MPP7: variants seen among roughly 807,000 people sequenced by gnomAD.
MPP7 encodes the protein MAGUK p55 scaffold protein 7.
A neutral mutation model predicts 76.5 loss-of-function variants in MPP7; 60 were observed. The ratio of observed to expected loss-of-function variants is 0.78; its 90% CI spans 0.64 to 0.97. The LOEUF (loss-of-function observed/expected upper bound fraction) is 0.97, where lower values mean the gene tolerates loss of function less well. Among genes scored for constraint, MPP7 ranks in the 50% least tolerant of loss-of-function variants. The pLI is 0.00. For synonymous variants in MPP7, 237 were observed against 244.5 expected, an observed-to-expected ratio of 0.97 and a Z score of 0.29; for missense variants, 641 against 694.0, an observed-to-expected ratio of 0.92 and a Z score of 0.86.
At chr10:28,307,472 G>A, upstream of MPP7, 1 of 152,134 alleles carries the variant, frequency 6.6e-6, no homozygotes, top group East Asian at 1.9e-4. Flanking sequence ...GCTCAGATGA[G>A]ACCAGCTTGC....
At chr10:28,098,012 T>C (rs1370588962) in intron 11 of MPP7, among the ~76,000 whole-genome samples, 2 of 152,202 alleles carry the variant, frequency 1.3e-5, no homozygotes, top group Admixed American at 6.5e-5. Context: ...TTTCTCGACA[T>C]TGCATTTGTA....
At chr10:28,071,619 T>C (rs374075407) in intron 12 of MPP7, among the ~76,000 whole-genome samples, 7 of 152,158 alleles carry the variant, frequency 4.6e-5, no homozygotes, top group African/African-American at 1.4e-4. Flanking sequence ...AATTAATACA[T>C]TGACCTAACT....
chr10:28,127,782 G>A (rs1310153907), intron 6 of MPP7, among the ~76,000 whole-genome samples: 1 of 152,170 alleles, frequency 6.6e-6, no homozygotes, highest in Non-Finnish European at 1.5e-5. Context: ...GGGGTGTGAG[G>A]GGATGTAGGG....
chr10:28,069,523 G>C (rs1852125758), intron 13 of MPP7, among the ~76,000 whole-genome samples: 1 of 151,310 alleles, frequency 6.6e-6, no homozygotes, highest in African/African-American at 2.4e-5. Flanking sequence ...AGAATTGCTT[G>C]AACCCAAGAG....
At chr10:28,256,545 T>G (rs1290528673) in intron 1 of MPP7, among the ~76,000 whole-genome samples, 1 of 152,052 alleles carries the variant, frequency 6.6e-6, no homozygotes, top group African/African-American at 2.4e-5. Flanking sequence ...TGTTCATCAA[T>G]CAGGCAATGG....
At chr10:28,128,582 G>A (rs1025841651) in intron 6 of MPP7, among the ~76,000 whole-genome samples, 1 of 152,126 alleles carries the variant, frequency 6.6e-6, no homozygotes, top group African/African-American at 2.4e-5. Context: ...GATTGCCTAT[G>A]GAATGCAAAA....
In MPP7 at chr10:28,203,496, TAAA is replaced by T. The variant is rs72465209; in HGVS notation, c.38-1228_38-1226del. 2.7e-3 allele frequency among the ~76,000 whole-genome samples: 346 copies of T among 129,876 alleles called. 1 individual carries two copies. The highest frequency in any genetic ancestry group is 6.7e-3 in the East Asian group (32 of 4,792). The allele number at this position is 129,876 out of a possible 152,430, so 85.2% of individuals were successfully genotyped here. A position where few individuals can be genotyped will look rare whatever the true frequency, so the allele number is the denominator to read the frequency against. ...GGCCAAAAAAAGCTAAAACAGTCTT[TAAA>T]AAAAAAAAAAAAAAAAACCTTCTCT... is the stretch of plus-strand genomic sequence containing the variant. On this transcript the variant is annotated intron_variant, in intron 2 of 16. Coordinates refer to ENST00000683449, the MANE Select transcript of MPP7 (RefSeq NM_001318170.2).
chr10:28,273,618 A>AT (rs1245866036), intron 1 of MPP7, among the ~76,000 whole-genome samples: 1 of 152,238 alleles, frequency 6.6e-6, no homozygotes, highest in African/African-American at 2.4e-5. Context: ...TTCAGAGACT[A>AT]TAAAAGCAAG....
chr10:28,146,794 T>A (rs1490789698), intron 5 of MPP7, among the ~76,000 whole-genome samples: 1 of 152,164 alleles, frequency 6.6e-6, no homozygotes, highest in Non-Finnish European at 1.5e-5. Context: ...CAGAACAATA[T>A]CTGACACATA....
At chr10:28,121,795 C>T (rs1412105464) in intron 8 of MPP7, among the ~76,000 whole-genome samples, 1 of 149,770 alleles carries the variant, frequency 6.7e-6, no homozygotes, top group Non-Finnish European at 1.5e-5. Context: ...CACTGGTAAA[C>T]CAGGACTCCA....
chr10:28,098,495 AATATT>A (rs1444606367), intron 11 of MPP7, among the ~76,000 whole-genome samples: 1 of 151,762 alleles, frequency 6.6e-6, no homozygotes, highest in Non-Finnish European at 1.5e-5. Flanking sequence ...AACTTACTGT[AATATT>A]ATATATGTTT....
intron 1 of MPP7, among the ~76,000 whole-genome samples, chr10:28,277,384 A>T (rs888326743): frequency 6.6e-6 from 1 of 151,822 alleles, no homozygotes; most frequent in Non-Finnish European, 1.5e-5. Flanking sequence ...AAATTAATTA[A>T]AAAAATAAAT....
chr10:28,057,730 A>T (rs1327176638), intron 15 of MPP7: 5 of 1,284,070 alleles, frequency 3.9e-6, no homozygotes, highest in Non-Finnish European at 5.1e-6. Context: ...GATTCTTGAA[A>T]CACTTTTACT....
At chr10:28,146,826 A>G (rs534113885) in intron 5 of MPP7, among the ~76,000 whole-genome samples, 1 of 152,290 alleles carries the variant, frequency 6.6e-6, no homozygotes, top group Admixed American at 6.5e-5. Flanking sequence ...GTCAAGTCCA[A>G]AATGTATACA....
intron 3 of MPP7, among the ~76,000 whole-genome samples, chr10:28,184,949 A>G (rs893016206): frequency 8.2e-5 from 12 of 147,202 alleles, no homozygotes; most frequent in African/African-American, 4.9e-5. Flanking sequence ...ATAATGTAAT[A>G]ATATAATATA....
chr10:28,264,431 T>A (rs1241838127), intron 1 of MPP7, among the ~76,000 whole-genome samples: 1 of 151,918 alleles, frequency 6.6e-6, no homozygotes, highest in Admixed American at 6.6e-5. Flanking sequence ...AGACCACAGA[T>A]CCTCAGGATG....
At chr10:28,257,624 T>G in intron 1 of MPP7, among the ~76,000 whole-genome samples, 1 of 145,674 alleles carries the variant, frequency 6.9e-6, no homozygotes, top group African/African-American at 2.5e-5. Context: ...AGGGATAGCA[T>G]TGGGAGATAT....
intron 2 of MPP7, among the ~76,000 whole-genome samples, chr10:28,313,626 C>T (rs890380164): frequency 3.9e-5 from 6 of 152,204 alleles, no homozygotes; most frequent in African/African-American, 1.4e-4. Context: ...TTAATATCCC[C>T]GCAGAGAAGA....
chr10:28,254,236 C>T (rs1345365223), intron 1 of MPP7, among the ~76,000 whole-genome samples: 2 of 152,066 alleles, frequency 1.3e-5, no homozygotes, highest in Non-Finnish European at 2.9e-5. Flanking sequence ...GAAAATCTTG[C>T]TGAATATAAC....
Sources: allele counts gnomAD v4.1 joint callset (sites outside exome capture counted in the v4.1 genomes callset), GRCh38; gene constraint gnomAD v4.1.1; transcripts MANE v1.5; gene names NCBI Gene and HGNC (gene_info 2026-07-23, HGNC 2026-07-21).